Variants in CADM2 observed in about 807,000 individuals in gnomAD.
The protein encoded by CADM2 is immunoglobulin superfamily member 4D.
In CADM2, 12 loss-of-function variants were observed where a neutral mutation model predicts 49.8. That is an observed-to-expected ratio of 0.24 (90% CI 0.15 to 0.39). The LOEUF (loss-of-function observed/expected upper bound fraction) is 0.39. Ranked by LOEUF, CADM2 falls within the 10% of genes least tolerant of loss-of-function variation. The pLI is 1.00. For synonymous variants in CADM2, 214 were observed against 175.4 expected, an observed-to-expected ratio of 1.22 and a Z score of -1.74; for missense variants, 378 against 492.3, an observed-to-expected ratio of 0.77 and a Z score of 2.20.
At position 85,625,223 on chromosome 3, in the gene CADM2, T is replaced by A. The variant is rs147974927; in HGVS notation, c.62-101299T>A. The stretch of plus-strand genomic sequence containing the variant: ...TGAAAACTCAGACCCAAATTCTTAG[T>A]CTAACTTAAATAATTTTGCAAGAAT... On this transcript the variant is annotated intron_variant, in intron 1 of 9. Transcript: ENST00000383699. Among the ~76,000 whole-genome samples the A allele has an allele frequency of 1.2e-3, 176 of 152,238 alleles. 2 individuals carry two copies. In the East Asian group the frequency reaches 0.031, roughly 27 times the overall value.
rs1049941213 is a variant in CADM2, at chr3:85,591,054, A to T, written c.62-135468A>T. On this transcript the variant is annotated intron_variant, in intron 1 of 9. Coordinates refer to ENST00000383699, the MANE Select transcript of CADM2 (RefSeq NM_001167675.2). ...AAATAAGAGTTTGGTCAGAAGTGCTATCACTGGTCTTGCCTAGTAATATTT... is the reference window on the plus strand; with the variant it reads ...AAATAAGAGTTTGGTCAGAAGTGCTTTCACTGGTCTTGCCTAGTAATATTT... Among the ~76,000 whole-genome samples, 4 of 151,916 alleles carry T rather than the reference A, an allele frequency of 2.6e-5. No homozygotes were observed. In the East Asian group the frequency reaches 7.8e-4, roughly 30 times the overall value.
At chr3:85,415,621 T>G (rs2035885436) in intron 1 of CADM2, among the ~76,000 whole-genome samples, 1 of 152,164 alleles carries the variant, frequency 6.6e-6, no homozygotes, top group South Asian at 2.1e-4. Flanking sequence ...AAAAGAAATG[T>G]AAATGCACTT....
At chr3:85,889,430 G>A (rs934458976) in intron 5 of CADM2, among the ~76,000 whole-genome samples, 1 of 152,092 alleles carries the variant, frequency 6.6e-6, no homozygotes, top group Non-Finnish European at 1.5e-5. Flanking sequence ...GCAGGCCCAC[G>A]GGGGAGCCTG....
chr3:85,065,867 T>G (rs1190186680), intron 1 of CADM2, among the ~76,000 whole-genome samples: 1 of 152,168 alleles, frequency 6.6e-6, no homozygotes, highest in Non-Finnish European at 1.5e-5. Flanking sequence ...ATATAATGAT[T>G]AACCTTCAAC....
In CADM2 at chr3:85,374,225, T is replaced by C. The variant is rs577859234; in HGVS notation, c.62-352297T>C. The stretch of plus-strand genomic sequence containing the variant: ...AGGAGCAGCCAAGTCACATCTTGAA[T>C]GATTTACTGCTTAGGAATTTATTCT... On this transcript the variant is annotated intron_variant, in intron 1 of 9. Coordinates refer to ENST00000383699, the MANE Select transcript of CADM2 (RefSeq NM_001167675.2). 5.9e-5 allele frequency among the ~76,000 whole-genome samples: 9 copies of C among 152,314 alleles called. No individual in the cohort carries two copies. In the South Asian group the frequency reaches 1.9e-3, roughly 32 times the overall value.
chr3:85,722,931 A>C (rs1443026190), intron 1 of CADM2, among the ~76,000 whole-genome samples: 1 of 152,224 alleles, frequency 6.6e-6, no homozygotes, highest in South Asian at 2.1e-4. Flanking sequence ...AAAACTGATT[A>C]AACAAATCAG....
At chr3:85,814,807 A>T (rs1216929868) in intron 3 of CADM2, among the ~76,000 whole-genome samples, 1 of 151,978 alleles carries the variant, frequency 6.6e-6, no homozygotes, top group African/African-American at 2.4e-5. Flanking sequence ...TATATCCTAT[A>T]GTGTTCTATA....
At chr3:85,041,142 C>A (rs971729332) in intron 1 of CADM2, among the ~76,000 whole-genome samples, 1 of 152,120 alleles carries the variant, frequency 6.6e-6, no homozygotes, top group Non-Finnish European at 1.5e-5. Context: ...AAACTAATAA[C>A]TGGTTTTGTT....
intron 1 of CADM2, among the ~76,000 whole-genome samples, chr3:85,548,328 T>C (rs1475879475): frequency 1.0e-5 from 1 of 99,450 alleles, no homozygotes; most frequent in African/African-American, 2.8e-5. Flanking sequence ...TGTCATGTTA[T>C]GACCTCAGAG....
At chr3:85,876,313 C>A (rs976876969) in intron 3 of CADM2, among the ~76,000 whole-genome samples, 2 of 151,940 alleles carry the variant, frequency 1.3e-5, no homozygotes, top group Non-Finnish European at 2.9e-5. Flanking sequence ...ATAAAATATT[C>A]ACTTAATATG....
intron 7 of CADM2, 99 bp from the exon 8 acceptor site, chr3:85,961,370 A>G: frequency 9.5e-7 from 1 of 1,052,164 alleles, no homozygotes. Context: ...ATGGTTGTGT[A>G]CAAAATACAT....
At chr3:85,014,781 G>C (rs1049254230) in intron 1 of CADM2, among the ~76,000 whole-genome samples, 1 of 152,088 alleles carries the variant, frequency 6.6e-6, no homozygotes, top group Non-Finnish European at 1.5e-5. Flanking sequence ...GGAAGTCCTT[G>C]TCTTTTAATC....
chr3:84,991,152 C>A (rs1388173587), intron 1 of CADM2, among the ~76,000 whole-genome samples: 2 of 152,002 alleles, frequency 1.3e-5, no homozygotes, highest in African/African-American at 4.8e-5. Context: ...TCATGGCCTG[C>A]AAGGATCTTT....
At chr3:86,025,847 T>G (rs1038288790) in intron 8 of CADM2, among the ~76,000 whole-genome samples, 2 of 152,120 alleles carry the variant, frequency 1.3e-5, no homozygotes, top group African/African-American at 4.8e-5. Flanking sequence ...AATACTTACT[T>G]GTTCCTGAGG....
chr3:85,034,790 C>CTTTTTTTTGTTTTTTTTTTTTTTTTTT (rs2035139206), intron 1 of CADM2, among the ~76,000 whole-genome samples: 1 of 84,098 alleles, frequency 1.2e-5, no homozygotes, highest in Non-Finnish European at 2.2e-5. Flanking sequence ...AGACATTTTG[C>CTTTTTTTTGTTTTTTTTTTTTTTTTTT]TTTTTTTTTT....
intron 1 of CADM2, among the ~76,000 whole-genome samples, chr3:85,576,274 A>C (rs1465110903): frequency 6.6e-6 from 1 of 152,192 alleles, no homozygotes; most frequent in East Asian, 1.9e-4. Flanking sequence ...CAAGGCTGCC[A>C]TCTAGTGGCA....
At chr3:86,065,217 G>A in intron 8 of CADM2, among the ~76,000 whole-genome samples, 1 of 151,980 alleles carries the variant, frequency 6.6e-6, no homozygotes, top group East Asian at 1.9e-4. Context: ...TCATCCCCAG[G>A]CTTTCTCATG....
chr3:85,687,669 A>G (rs572455500), intron 1 of CADM2, among the ~76,000 whole-genome samples: 2 of 152,214 alleles, frequency 1.3e-5, no homozygotes, highest in Non-Finnish European at 2.9e-5. Context: ...GACATTTTAA[A>G]GCAAATGAGG....
At chr3:85,271,556 G>C (rs555853922) in intron 1 of CADM2, among the ~76,000 whole-genome samples, 61 of 151,200 alleles carry the variant, frequency 4.0e-4, no homozygotes, top group Non-Finnish European at 7.6e-4. Context: ...TAAGTGAGTT[G>C]CCTAAGGTCA....
Sources: allele counts gnomAD v4.1 joint callset (sites outside exome capture counted in the v4.1 genomes callset), GRCh38; gene constraint gnomAD v4.1.1; transcripts MANE v1.5; gene names NCBI Gene and HGNC (gene_info 2026-07-23, HGNC 2026-07-21).